Variants in ENTREP2 observed in about 807,000 individuals in gnomAD.
ENTREP2 encodes protein ENTREP2.
At chr15:29,524,787 G>C in the ENTREP2 span, among the ~76,000 whole-genome samples, 1 of 152,234 alleles carries the variant, frequency 6.6e-6, no homozygotes, top group East Asian at 1.9e-4. Flanking sequence ...GCGAGCGAAA[G>C]CTCAGCTCAA....
At chr15:29,390,271 G>A in the ENTREP2 span, among the ~76,000 whole-genome samples, 1 of 152,112 alleles carries the variant, frequency 6.6e-6, no homozygotes, top group Admixed American at 6.5e-5. Flanking sequence ...TGAGAAAAAG[G>A]GTCATGAATC....
At chr15:29,319,139 C>T in the ENTREP2 span, among the ~76,000 whole-genome samples, 1 of 152,344 alleles carries the variant, frequency 6.6e-6, no homozygotes, top group African/African-American at 2.4e-5. Context: ...CCCTCACAAC[C>T]GCCATGGGTA....
chr15:29,198,867 T>C, the ENTREP2 span, among the ~76,000 whole-genome samples: 1 of 152,270 alleles, frequency 6.6e-6, no homozygotes, highest in African/African-American at 2.4e-5. Context: ...ACAATATTTT[T>C]AGTATTTGGC....
chr15:29,527,768 T>A, the ENTREP2 span, among the ~76,000 whole-genome samples: 9 of 152,116 alleles, frequency 5.9e-5, no homozygotes, highest in African/African-American at 2.2e-4. Flanking sequence ...GATCTGTATG[T>A]AATCTCAAGG....
At chr15:29,514,722 C>T in the ENTREP2 span, among the ~76,000 whole-genome samples, 4 of 152,178 alleles carry the variant, frequency 2.6e-5, no homozygotes, top group Non-Finnish European at 5.9e-5. Flanking sequence ...CAGAACAACT[C>T]CCACAAACTG....
At chr15:29,523,561 ATTTTTTTTTTTTTTT>A in the ENTREP2 span, among the ~76,000 whole-genome samples, 1 of 78,482 alleles carries the variant, frequency 1.3e-5, no homozygotes, top group Non-Finnish European at 2.5e-5. Context: ...TCCCAGCTAG[ATTTTTTTTTTTTTTT>A]TTTTTTTTTT....
chr15:29,158,560 A>G, the ENTREP2 span, among the ~76,000 whole-genome samples: 5 of 151,126 alleles, frequency 3.3e-5, no homozygotes, highest in African/African-American at 1.2e-4. Flanking sequence ...GCACGCCATC[A>G]CTCCCGTCTA....
At chr15:29,358,953 G>A in the ENTREP2 span, among the ~76,000 whole-genome samples, 1 of 152,102 alleles carries the variant, frequency 6.6e-6, no homozygotes, top group Admixed American at 6.5e-5. Context: ...AAGATATCAG[G>A]CACATTCAAA....
chr15:29,214,087 G>A, the ENTREP2 span, among the ~76,000 whole-genome samples: 1 of 152,144 alleles, frequency 6.6e-6, no homozygotes. Flanking sequence ...TTACACTGTT[G>A]GTGGGACTGT....
At chr15:29,378,821 G>T in the ENTREP2 span, among the ~76,000 whole-genome samples, 69 of 152,062 alleles carry the variant, frequency 4.5e-4, no homozygotes, top group African/African-American at 1.7e-3. Context: ...ATCTATATCT[G>T]CCTCTATATC....
the ENTREP2 span, among the ~76,000 whole-genome samples, chr15:29,473,803 GCAGCCACGGCCC>G: frequency 6.6e-6 from 1 of 152,178 alleles, no homozygotes; most frequent in South Asian, 2.1e-4. Context: ...GGCCCCGGCC[GCAGCCACGGCCC>G]CATCTCCCGG....
chr15:29,495,297 G>A, the ENTREP2 span, among the ~76,000 whole-genome samples: 1 of 152,224 alleles, frequency 6.6e-6, no homozygotes, highest in East Asian at 1.9e-4. Flanking sequence ...GATTGATGAT[G>A]TTGAGCACTT....
chr15:29,366,492 C>A, the ENTREP2 span, among the ~76,000 whole-genome samples: 3 of 152,012 alleles, frequency 2.0e-5, no homozygotes, highest in African/African-American at 7.3e-5. Flanking sequence ...AAAGTACAGC[C>A]TGATAAACTC....
the ENTREP2 span, among the ~76,000 whole-genome samples, chr15:29,512,395 C>T: frequency 6.6e-6 from 1 of 152,176 alleles, no homozygotes; most frequent in Non-Finnish European, 1.5e-5. Flanking sequence ...CCCAGATAAC[C>T]ACACCAAGGC....
chr15:29,436,043 C>T, the ENTREP2 span, among the ~76,000 whole-genome samples: 1 of 152,142 alleles, frequency 6.6e-6, no homozygotes, highest in Non-Finnish European at 1.5e-5. Context: ...AAGTAGAACT[C>T]AGGTGTACAA....
At chr15:29,624,693 A>G in the ENTREP2 span, among the ~76,000 whole-genome samples, 3 of 152,204 alleles carry the variant, frequency 2.0e-5, no homozygotes, top group African/African-American at 7.2e-5. Flanking sequence ...TTGGAGACCC[A>G]CAGGGACTTG....
At chr15:29,377,823 AAATAATAATAATAAT>A in the ENTREP2 span, among the ~76,000 whole-genome samples, 3 of 112,984 alleles carry the variant, frequency 2.7e-5, no homozygotes, top group East Asian at 2.3e-4. Context: ...TCTGTCTCAA[AAATAATAATAATAAT>A]AATAATAATA....
chr15:29,290,714 C>T, the ENTREP2 span, among the ~76,000 whole-genome samples: 1 of 152,170 alleles, frequency 6.6e-6, no homozygotes, highest in Admixed American at 6.5e-5. Context: ...TTAGACAGAG[C>T]TTGTCTATCC....
At chr15:29,467,177 G>C in the ENTREP2 span, among the ~76,000 whole-genome samples, 11 of 152,212 alleles carry the variant, frequency 7.2e-5, no homozygotes, top group East Asian at 2.1e-3. Flanking sequence ...ATCCAGCCTG[G>C]GTGTGTCCTG....
Sources: gnomAD v4.1 joint callset for allele counts (sites outside exome capture counted in the v4.1 genomes callset) on GRCh38, gnomAD v4.1.1 for gene constraint, MANE v1.5 for transcripts, NCBI Gene and HGNC (gene_info 2026-07-23, HGNC 2026-07-21) for gene names.